Variants in PBX3 observed in about 807,000 individuals in gnomAD.
PBX3 encodes the protein pre-B-cell leukemia transcription factor 3.
Under a neutral mutation model 48.5 loss-of-function variants are expected in PBX3, and 14 were observed. That is an observed-to-expected ratio of 0.29 (90% CI 0.19 to 0.45). The LOEUF (loss-of-function observed/expected upper bound fraction) is 0.45. PBX3 is among the 20% of genes least tolerant of loss of function. PBX3 has a pLI of 1.00. For synonymous variants in PBX3, 210 were observed against 200.3 expected (o/e 1.05, Z -0.41); for missense variants, 386 against 546.7 (o/e 0.71, Z 2.93).
At chr9:125,809,244 G>A (rs1347061257) in intron 2 of PBX3, among the ~76,000 whole-genome samples, 2 of 152,198 alleles carry the variant, frequency 1.3e-5, no homozygotes, top group Non-Finnish European at 2.9e-5. Flanking sequence ...GACTGCAGAT[G>A]ACTGCAAAAG....
At chr9:125,869,274 A>G (rs1030194833) in intron 2 of PBX3, among the ~76,000 whole-genome samples, 9 of 152,210 alleles carry the variant, frequency 5.9e-5, no homozygotes, top group South Asian at 2.1e-4. Context: ...TGTTAAGAGG[A>G]TAGAGTAAGA....
chr9:125,886,490 CT>C (rs1327276036), intron 2 of PBX3, among the ~76,000 whole-genome samples: 4 of 152,076 alleles, frequency 2.6e-5, no homozygotes, highest in Non-Finnish European at 4.4e-5. Context: ...TAAATTTGAG[CT>C]GTGGAAATGC....
chr9:125,809,076 A>G (rs1838210966), intron 2 of PBX3, among the ~76,000 whole-genome samples: 1 of 152,206 alleles, frequency 6.6e-6, no homozygotes, highest in African/African-American at 2.4e-5. Context: ...CAAAAAGCAC[A>G]AAATTACAAA....
At chr9:125,952,257 A>T (rs1322498666) in intron 5 of PBX3, among the ~76,000 whole-genome samples, 1 of 152,224 alleles carries the variant, frequency 6.6e-6, no homozygotes, top group African/African-American at 2.4e-5. Context: ...TTCAATAATG[A>T]TGTTTTAGTG....
intron 2 of PBX3, among the ~76,000 whole-genome samples, chr9:125,838,173 C>A (rs1839192250): frequency 6.6e-6 from 1 of 152,186 alleles, no homozygotes; most frequent in South Asian, 2.1e-4. Context: ...GCCTCAGACC[C>A]CTGTGTAGCT....
intron 2 of PBX3, among the ~76,000 whole-genome samples, chr9:125,769,064 T>C (rs1311845258): frequency 6.6e-6 from 1 of 152,214 alleles, no homozygotes; most frequent in Non-Finnish European, 1.5e-5. Context: ...TGTGGAGAAT[T>C]TGTATTTTGT....
At chr9:125,902,059 G>A (rs1185529233) in intron 2 of PBX3, among the ~76,000 whole-genome samples, 2 of 150,684 alleles carry the variant, frequency 1.3e-5, no homozygotes, top group East Asian at 2.0e-4. Flanking sequence ...GATACCTATT[G>A]TGGAAATAAA....
intron 2 of PBX3, among the ~76,000 whole-genome samples, chr9:125,766,983 T>G (rs1323435524): frequency 6.6e-6 from 1 of 152,236 alleles, no homozygotes; most frequent in Admixed American, 6.5e-5. Flanking sequence ...CTTTTAGACT[T>G]ACTTGACTTC....
intron 2 of PBX3, among the ~76,000 whole-genome samples, chr9:125,779,431 G>T (rs867443335): frequency 2.2e-5 from 3 of 134,438 alleles, no homozygotes; most frequent in South Asian, 2.6e-4. Context: ...GTGTCCCTGG[G>T]TACTTGAGAT....
intron 8 of PBX3, among the ~76,000 whole-genome samples, chr9:125,964,196 A>ATTCC: frequency 6.6e-6 from 1 of 152,352 alleles, no homozygotes. Flanking sequence ...TCAAACCACC[A>ATTCC]GAGTAAGGAT....
At position 125,967,246 on chromosome 9, in the gene PBX3, C is replaced by T. The variant is rs1195862409; in HGVS notation, c.*1323C>T. Reference sequence around the variant, plus strand: ...ATTGAGTCATGAAAATAATTTGTGGCGGTGATTCTAATGTATTAAAAACGT... The same window carrying T: ...ATTGAGTCATGAAAATAATTTGTGGTGGTGATTCTAATGTATTAAAAACGT... On this transcript the variant is annotated 3_prime_UTR_variant, in exon 9 of 9. Transcript: ENST00000373489. 2.0e-5 allele frequency: 3 copies of T among 152,552 alleles called. No homozygotes were observed. The highest frequency in any genetic ancestry group is 3.8e-4 in the East Asian group (2 of 5,204). 9.4% of individuals were successfully genotyped at this position (152,552 alleles called of 1,614,324 possible). A position where few individuals can be genotyped will look rare whatever the true frequency, so the allele number is the denominator to read the frequency against.
At chr9:125,826,635 A>T (rs954893624) in intron 2 of PBX3, among the ~76,000 whole-genome samples, 1 of 152,196 alleles carries the variant, frequency 6.6e-6, no homozygotes, top group Admixed American at 6.5e-5. Flanking sequence ...TTTGAAAAAT[A>T]TAATAAAGGT....
chr9:125,760,964 G>A (rs754820292), intron 2 of PBX3, among the ~76,000 whole-genome samples: 59 of 152,132 alleles, frequency 3.9e-4, no homozygotes, highest in Non-Finnish European at 6.9e-4. Context: ...TGCCATTTAT[G>A]ATATGTTGTC....
chr9:125,748,872 G>T (rs988905310), intron 2 of PBX3: 27 of 338,044 alleles, frequency 8.0e-5, no homozygotes, highest in Admixed American at 2.6e-4. Context: ...GGCCGCCCCT[G>T]GCTGCAGGCG....
At chr9:125,893,189 A>G (rs535810297) in intron 2 of PBX3, among the ~76,000 whole-genome samples, 1 of 152,364 alleles carries the variant, frequency 6.6e-6, no homozygotes, top group South Asian at 2.1e-4. Context: ...ATATCAGTCT[A>G]TACCAATAGT....
intron 3 of PBX3, 40 bp downstream of exon 3, chr9:125,915,967 T>A (rs1461934395): frequency 6.2e-7 from 1 of 1,600,044 alleles, no homozygotes; most frequent in African/African-American, 1.3e-5. Flanking sequence ...ACAAACCCTC[T>A]GTTGCTCTTC....
At chr9:125,939,344 A>G (rs886131186) in intron 5 of PBX3, among the ~76,000 whole-genome samples, 2 of 152,188 alleles carry the variant, frequency 1.3e-5, no homozygotes, top group Non-Finnish European at 1.5e-5. Context: ...GAAATGGTCA[A>G]TTGTATGAAA....
At chr9:125,811,369 A>T (rs552763097) in intron 2 of PBX3, among the ~76,000 whole-genome samples, 1 of 152,308 alleles carries the variant, frequency 6.6e-6, no homozygotes, top group East Asian at 1.9e-4. Flanking sequence ...CTCACCTTGA[A>T]TTGTAATAAT....
At chr9:125,899,454 T>TATATAGAGAG (rs1377456112) in intron 2 of PBX3, among the ~76,000 whole-genome samples, 31 of 103,756 alleles carry the variant, frequency 3.0e-4, no homozygotes, top group African/African-American at 1.1e-3. Context: ...TATATATATA[T>TATATAGAGAG]AGAGAGAGAG....
Sources: allele counts gnomAD v4.1 joint callset (sites outside exome capture counted in the v4.1 genomes callset), GRCh38; gene constraint gnomAD v4.1.1; transcripts MANE v1.5; gene names NCBI Gene and HGNC (gene_info 2026-07-23, HGNC 2026-07-21).